The following HS6ST3 variants were observed in gnomAD, a reference collection of about 807,000 sequenced individuals.
HS6ST3 encodes the protein heparan-sulfate 6-O-sulfotransferase 3.
In HS6ST3, 12 loss-of-function variants were observed where a neutral mutation model predicts 36.7. The observed-to-expected ratio is 0.33, with a 90% confidence interval of 0.21 to 0.53. The LOEUF is 0.53. Ranked by LOEUF, HS6ST3 falls within the 20% of genes least tolerant of loss-of-function variation. HS6ST3 has a pLI of 0.95. For synonymous variants in HS6ST3, 240 were observed against 257.5 expected (o/e 0.93, Z 0.65); for missense variants, 584 against 640.9 (o/e 0.91, Z 0.96).
chr13:96,137,460 G>T, intron 1 of HS6ST3, among the ~76,000 whole-genome samples: 1 of 140,038 alleles, frequency 7.1e-6, no homozygotes, highest in Non-Finnish European at 1.5e-5. Flanking sequence ...TTGAGACAGA[G>T]TCTCGCTCTG....
intron 1 of HS6ST3, among the ~76,000 whole-genome samples, chr13:96,551,203 A>G (rs1407208161): frequency 6.6e-6 from 1 of 152,214 alleles, no homozygotes; most frequent in African/African-American, 2.4e-5. Context: ...AAATATAAGG[A>G]AGATTAATAT....
At chr13:96,288,914 C>T (rs1053121503) in intron 1 of HS6ST3, among the ~76,000 whole-genome samples, 1 of 151,766 alleles carries the variant, frequency 6.6e-6, no homozygotes, top group African/African-American at 2.4e-5. Context: ...CTAGAAACCC[C>T]AAGAGATGCT....
At chr13:96,338,666 TC>T (rs1417441722) in intron 1 of HS6ST3, among the ~76,000 whole-genome samples, 3 of 152,174 alleles carry the variant, frequency 2.0e-5, no homozygotes, top group Non-Finnish European at 4.4e-5. Flanking sequence ...CTTCAGGACT[TC>T]CTCCTGCCAG....
chr13:96,601,498 A>G (rs952470497), intron 1 of HS6ST3, among the ~76,000 whole-genome samples: 2 of 151,872 alleles, frequency 1.3e-5, no homozygotes, highest in African/African-American at 4.8e-5. Context: ...AATATCTTTA[A>G]TGTTTCTTAT....
intron 1 of HS6ST3, among the ~76,000 whole-genome samples, chr13:96,732,374 A>G (rs920294151): frequency 6.6e-6 from 1 of 152,070 alleles, no homozygotes; most frequent in Non-Finnish European, 1.5e-5. Context: ...AAGGGTCCAA[A>G]TTTATTATTC....
chr13:96,208,760 T>G (rs551519204), intron 1 of HS6ST3, among the ~76,000 whole-genome samples: 4 of 152,208 alleles, frequency 2.6e-5, no homozygotes, highest in Non-Finnish European at 5.9e-5. Context: ...ATTATTTACA[T>G]AACACACTTT....
At chr13:96,116,422 A>T (rs2053894639) in intron 1 of HS6ST3, among the ~76,000 whole-genome samples, 1 of 152,112 alleles carries the variant, frequency 6.6e-6, no homozygotes, top group Admixed American at 6.5e-5. Context: ...TGATGTACAC[A>T]TGTGGTCTCC....
intron 1 of HS6ST3, among the ~76,000 whole-genome samples, chr13:96,479,196 C>T (rs539966827): frequency 1.3e-5 from 2 of 152,282 alleles, no homozygotes; most frequent in South Asian, 2.1e-4. Flanking sequence ...GGAAAGGAAG[C>T]GTTTGCCTAA....
chr13:96,214,728 A>C (rs2054415678), intron 1 of HS6ST3, among the ~76,000 whole-genome samples: 1 of 152,200 alleles, frequency 6.6e-6, no homozygotes, highest in Admixed American at 6.5e-5. Flanking sequence ...TCCAGTTAGC[A>C]TAAATGGGAA....
intron 1 of HS6ST3, among the ~76,000 whole-genome samples, chr13:96,462,101 ACT>A (rs2055787345): frequency 6.6e-6 from 1 of 152,036 alleles, no homozygotes; most frequent in African/African-American, 2.4e-5. Flanking sequence ...ACAGGGTCTG[ACT>A]CTGTTGCCCA....
rs999922579 is a variant in HS6ST3, at chr13:96,275,580, A to T, written c.707+184011A>T. Among the ~76,000 whole-genome samples the T allele has an allele frequency of 6.6e-5, 10 of 152,358 alleles. No homozygotes were observed. In the East Asian group the frequency reaches 1.7e-3, roughly 26 times the overall value. On this transcript the variant is annotated intron_variant, in intron 1 of 1. Coordinates refer to ENST00000376705, the MANE Select transcript of HS6ST3 (RefSeq NM_153456.4). ...ATGTTTCCAAAGTCATGGTATCACA[A>T]CATACTTTCTCCAGTTACCTACATG... is the stretch of plus-strand genomic sequence containing the variant.
chr13:96,511,224 C>A (rs2056048689), intron 1 of HS6ST3, among the ~76,000 whole-genome samples: 1 of 152,118 alleles, frequency 6.6e-6, no homozygotes, highest in South Asian at 2.1e-4. Flanking sequence ...GATGGACACG[C>A]TTTACATATA....
At chr13:96,515,672 A>G (rs747365466) in intron 1 of HS6ST3, among the ~76,000 whole-genome samples, 4 of 151,958 alleles carry the variant, frequency 2.6e-5, no homozygotes, top group African/African-American at 4.8e-5. Flanking sequence ...TGATGGTTTT[A>G]TGTGTTTGAC....
At chr13:96,379,021 T>G (rs920178420) in intron 1 of HS6ST3, among the ~76,000 whole-genome samples, 2 of 152,186 alleles carry the variant, frequency 1.3e-5, no homozygotes, top group Non-Finnish European at 2.9e-5. Context: ...GTCTTATTGA[T>G]TTAGCTTGTG....
intron 1 of HS6ST3, among the ~76,000 whole-genome samples, chr13:96,191,381 A>G (rs1417243252): frequency 1.3e-5 from 2 of 152,166 alleles, no homozygotes; most frequent in African/African-American, 4.8e-5. Context: ...ACACAGTCCT[A>G]CTGTGCTACA....
intron 1 of HS6ST3, among the ~76,000 whole-genome samples, chr13:96,409,976 A>G (rs893466667): frequency 1.5e-4 from 23 of 152,354 alleles, no homozygotes; most frequent in Middle Eastern, 3.4e-3. Flanking sequence ...GTATGCCAGT[A>G]TAAATGCCAG....
chr13:96,425,357 G>A (rs1346402789), intron 1 of HS6ST3, among the ~76,000 whole-genome samples: 1 of 152,028 alleles, frequency 6.6e-6, no homozygotes, highest in Admixed American at 6.6e-5. Context: ...ATGTCCTAAA[G>A]AAATCTCTCT....
rs1178036094 is a variant in HS6ST3 at position 96,110,664 on chromosome 13, T to TC, written c.707+19101dup. On this transcript the variant is annotated intron_variant, in intron 1 of 1. Coordinates refer to ENST00000376705, the MANE Select transcript of HS6ST3 (RefSeq NM_153456.4). Reference sequence around the variant, plus strand: ...TGGCCTCAATCTCCTGACCTCCTGATCCCCCCGCCTCGGCCTCCCAAAGTG... The same window carrying TC: ...TGGCCTCAATCTCCTGACCTCCTGATCCCCCCCGCCTCGGCCTCCCAAAGTG... 5.3e-5 allele frequency among the ~76,000 whole-genome samples: 8 copies of TC among 151,746 alleles called. No individual in the cohort carries two copies. In the East Asian group the frequency reaches 1.2e-3, roughly 22 times the overall value.
chr13:96,718,694 C>T (rs577493540), intron 1 of HS6ST3, among the ~76,000 whole-genome samples: 1 of 152,264 alleles, frequency 6.6e-6, no homozygotes, highest in South Asian at 2.1e-4. Context: ...ATGACTAATA[C>T]AACTCCCAAA....
Sources: gnomAD v4.1 joint callset for allele counts (sites outside exome capture counted in the v4.1 genomes callset) on GRCh38, gnomAD v4.1.1 for gene constraint, MANE v1.5 for transcripts, NCBI Gene and HGNC (gene_info 2026-07-23, HGNC 2026-07-21) for gene names.